RYK: variants seen among roughly 807,000 people sequenced by gnomAD.
RYK encodes the protein inactive tyrosine-protein kinase RYK.
Under a neutral mutation model 70.2 loss-of-function variants are expected in RYK, and 21 were observed. That is an observed-to-expected ratio of 0.30 (90% CI 0.21 to 0.43). The LOEUF (loss-of-function observed/expected upper bound fraction) is 0.43, where lower values mean the gene tolerates loss of function less well. Ranked by LOEUF, RYK falls within the 20% of genes least tolerant of loss-of-function variation. RYK has a pLI of 1.00. For synonymous variants in RYK, 267 were observed against 278.0 expected (o/e 0.96, Z 0.39); for missense variants, 604 against 753.3 (o/e 0.80, Z 2.32).
chr3:134,241,172 CAAA>C (rs34101853), intron 1 of RYK, among the ~76,000 whole-genome samples: 5 of 118,102 alleles, frequency 4.2e-5, no homozygotes. Flanking sequence ...CCATCTCTAC[CAAA>C]AAAAAAAAAA....
chr3:134,249,869 C>A (rs2015561726), intron 1 of RYK, among the ~76,000 whole-genome samples: 1 of 149,122 alleles, frequency 6.7e-6, no homozygotes, highest in Non-Finnish European at 1.5e-5. Flanking sequence ...GAGTTGGAGG[C>A]TGCCACGAAC....
chr3:134,202,761 G>T lies in RYK; in HGVS notation c.757C>A (p.His253Asn), dbSNP rs1470775833. 1 of 1,612,630 alleles carries T rather than the reference G, an allele frequency of 6.2e-7. No individual in the cohort carries two copies. The highest frequency in any genetic ancestry group is 8.5e-7 in the Non-Finnish European group (1 of 1,179,608). ...TCCAGTTCAATCCTTTTCATACTAT[G>T]AAGGTGCAAAACAGCTAATATTATT... ...VAIILAVLHLHSMKRIELDDS... is the reference protein window; with the variant it reads ...VAIILAVLHLNSMKRIELDDS... The change falls in exon 6 of 15, where the codon CAT (histidine) becomes AAT (asparagine). Residue 253 changes from histidine (H) to asparagine (N), a missense_variant. Coordinates refer to ENST00000623711, the MANE Select transcript of RYK (RefSeq NM_002958.4).
chr3:134,176,961 C>T (rs769122698), intron 11 of RYK, among the ~76,000 whole-genome samples: 4 of 151,864 alleles, frequency 2.6e-5, no homozygotes, highest in African/African-American at 7.3e-5. Context: ...GGCAGGAGAA[C>T]GGCGTGAACC....
intron 8 of RYK, among the ~76,000 whole-genome samples, chr3:134,189,388 T>C (rs2013571846): frequency 6.6e-6 from 1 of 152,128 alleles, no homozygotes; most frequent in Non-Finnish European, 1.5e-5. Context: ...TTCCATTCCT[T>C]CTACCACTCA....
Position 134,250,655 on chromosome 3 carries a change from G to GGCCGCC in RYK, c.-7_-2dup, listed in dbSNP as rs1374122514. The stretch of plus-strand genomic sequence containing the variant: ...GCCCCAGCCGCGCCGCCCCACGCAT[G>GGCCGCC]GCCGCCGCCGCCGCCGCCGAAGAGG... On this transcript the variant is annotated 5_prime_UTR_variant, in exon 1 of 15. Transcript: ENST00000623711. 71 of 981,068 alleles carry GGCCGCC rather than the reference G, an allele frequency of 7.2e-5. No individual in the cohort carries two copies. The highest frequency in any genetic ancestry group is 4.1e-4 in the South Asian group (9 of 22,080). 60.8% of individuals were successfully genotyped at this position (981,068 alleles called of 1,614,324 possible). A position where few individuals can be genotyped will look rare whatever the true frequency, so the allele number is the denominator to read the frequency against.
intron 13 of RYK, among the ~76,000 whole-genome samples, chr3:134,166,941 T>C (rs1452209672): frequency 6.6e-6 from 1 of 152,204 alleles, no homozygotes; most frequent in Admixed American, 6.5e-5. Flanking sequence ...TAATGTTAAA[T>C]TTTAAATTTT....
chr3:134,246,303 TACACACACACACAC>T (rs71139521), intron 1 of RYK, among the ~76,000 whole-genome samples: 13 of 89,196 alleles, frequency 1.5e-4, no homozygotes, highest in Admixed American at 4.8e-4. Context: ...CAGAAAGAAA[TACACACACACACAC>T]ACACACACAC....
At chr3:134,170,753 A>T (rs951137759) in intron 13 of RYK, 2 of 152,424 alleles carry the variant, frequency 1.3e-5, no homozygotes, top group African/African-American at 2.4e-5. Context: ...AAAAATAAAA[A>T]ACAAAAAGGA....
At chr3:134,212,938 A>T (rs192226126) in intron 2 of RYK, among the ~76,000 whole-genome samples, 1 of 151,366 alleles carries the variant, frequency 6.6e-6, no homozygotes, top group Admixed American at 6.6e-5. Flanking sequence ...TAAGATAGGT[A>T]CGTAAACAAC....
At chr3:134,205,426 T>C (rs2014186180) in intron 5 of RYK, among the ~76,000 whole-genome samples, 1 of 152,234 alleles carries the variant, frequency 6.6e-6, no homozygotes, top group Non-Finnish European at 1.5e-5. Flanking sequence ...GGCTGTAGCC[T>C]GAATGAAGGC....
At position 134,211,505 on chromosome 3, in the gene RYK, T is replaced by TA; in HGVS notation, c.454+2dup. 1 of 1,604,544 alleles carries TA rather than the reference T, an allele frequency of 6.2e-7. No individual in the cohort carries two copies. On this transcript the variant is annotated splice_region_variant and intron_variant, in intron 3 of 14. Coordinates refer to ENST00000623711, the MANE Select transcript of RYK (RefSeq NM_002958.4). ...AACTCTGTCTTTGAAGACTCTTACT[T>TA]ACCTGATAAAGTGCGTGGAACTTCC...
intron 9 of RYK, among the ~76,000 whole-genome samples, chr3:134,187,826 T>C (rs932515933): frequency 7.3e-5 from 11 of 151,702 alleles, no homozygotes; most frequent in South Asian, 6.3e-4. Flanking sequence ...TCCCAAAGCA[T>C]TGGGATTACA....
At chr3:134,184,555 G>C (rs2013401607) in intron 9 of RYK, among the ~76,000 whole-genome samples, 1 of 152,088 alleles carries the variant, frequency 6.6e-6, no homozygotes, top group African/African-American at 2.4e-5. Flanking sequence ...AAAGTCAGGA[G>C]CTCAAGATCA....
chr3:134,222,529 T>C lies in RYK; in HGVS notation c.243A>G (p.Ala81=), dbSNP rs747141300. The change falls in exon 2 of 15, where the codon GCA becomes GCG. Residue 81 remains alanine (A), a synonymous_variant. Coordinates refer to ENST00000623711, the MANE Select transcript of RYK (RefSeq NM_002958.4). ...GGTCATTTCTCACATAATAAAGTTC[T>C]GCATCAAGACCTAGAAAAAAATAGG... ...DEVRRLIGLD[A]ELYYVRNDLI... The C allele has an allele frequency of 1.4e-5, 23 of 1,608,898 alleles. No homozygotes were observed. The highest frequency in any genetic ancestry group is 2.0e-5 in the Non-Finnish European group (23 of 1,176,738).
chr3:134,199,624 T>C (rs575039890), intron 6 of RYK, among the ~76,000 whole-genome samples: 1 of 152,208 alleles, frequency 6.6e-6, no homozygotes, highest in East Asian at 1.9e-4. Context: ...GTGGCCCCTA[T>C]GCAGAGAGAG....
At chr3:134,184,112 T>C (rs538725767) in intron 9 of RYK, among the ~76,000 whole-genome samples, 27 of 152,200 alleles carry the variant, frequency 1.8e-4, no homozygotes, top group Non-Finnish European at 4.0e-4. Flanking sequence ...TTTCTTCTTT[T>C]TACTTCTCTG....
chr3:134,160,975 C>G (rs1553768061), intron 13 of RYK, among the ~76,000 whole-genome samples: 4 of 152,122 alleles, frequency 2.6e-5, no homozygotes, highest in Non-Finnish European at 5.9e-5. Flanking sequence ...GACTATGTTT[C>G]CAGCAGACCT....
chr3:134,215,754 C>T (rs1385315636), intron 2 of RYK, among the ~76,000 whole-genome samples: 1 of 152,016 alleles, frequency 6.6e-6, no homozygotes, highest in Non-Finnish European at 1.5e-5. Flanking sequence ...AAAGAAACTA[C>T]AGGCTAGGCG....
intron 2 of RYK, among the ~76,000 whole-genome samples, chr3:134,220,865 G>A (rs151059282): frequency 0.012 from 1,873 of 152,160 alleles, 51 homozygotes; most frequent in African/African-American, 0.043. Context: ...ATGAAATGAG[G>A]GAAACTGTGT....
Sources: gnomAD v4.1 joint callset for allele counts (sites outside exome capture counted in the v4.1 genomes callset) on GRCh38, gnomAD v4.1.1 for gene constraint, MANE v1.5 for transcripts, NCBI Gene and HGNC (gene_info 2026-07-23, HGNC 2026-07-21) for gene names.